WBP2NL: variants seen among roughly 807,000 people sequenced by gnomAD.
WBP2NL encodes postacrosomal sheath WW domain-binding protein.
In WBP2NL, 27 loss-of-function variants were observed where a neutral mutation model predicts 23.3. The observed-to-expected ratio is 1.16, with a 90% CI of 0.85 to 1.60. The LOEUF is 1.60. WBP2NL is among the 40% of genes most tolerant of loss of function. WBP2NL has a pLI of 0.00. For synonymous variants in WBP2NL, 151 were observed against 145.9 expected, an observed-to-expected ratio of 1.03 and a Z score of -0.25; for missense variants, 370 against 389.5, an observed-to-expected ratio of 0.95 and a Z score of 0.42.
chr22:42,006,239 G>A (rs1408537819), intron 1 of WBP2NL, among the ~76,000 whole-genome samples: 1 of 128,952 alleles, frequency 7.8e-6, no homozygotes, highest in Non-Finnish European at 1.6e-5. Context: ...TTTTTTTTTC[G>A]AGACGGAGTC....
rs1569449993 is a variant in WBP2NL at position 42,020,886 on chromosome 22, ATATATATATATATATATATATATTTTT to A, written c.406+792_406+818del. Among the ~76,000 whole-genome samples, 10 of 46,188 alleles carry A rather than the reference ATATATATATATATATATATATATTTTT, an allele frequency of 2.2e-4. 1 individual carries two copies. Among genetic ancestry groups the A allele is most frequent in the African/African-American group, 1.0e-3 (10 of 9,984 alleles). 30.3% of individuals were successfully genotyped at this position (46,188 alleles called of 152,430 possible). ...TGTGTGTGTATATATATATATATAT[ATATATATATATATATATATATATTTTT>A]TTTTTTTTTTTTTTTTTTTTTTTTG... On this transcript the variant is annotated intron_variant, in intron 4 of 5. Transcript: ENST00000328823.
intron 1 of WBP2NL, among the ~76,000 whole-genome samples, chr22:42,016,066 C>T (rs187211007): frequency 3.9e-5 from 6 of 152,062 alleles, no homozygotes; most frequent in Non-Finnish European, 8.8e-5. Context: ...ACTGCAAACT[C>T]TGCCTCCCGG....
chr22:42,011,221 C>T (rs1010999345), intron 1 of WBP2NL, among the ~76,000 whole-genome samples: 2 of 151,974 alleles, frequency 1.3e-5, no homozygotes, highest in East Asian at 1.9e-4. Flanking sequence ...ATTCTTTAAA[C>T]GTTTTGTATA....
chr22:42,022,131 C>A, intron 4 of WBP2NL, 118 bp from the exon 5 acceptor site: 1 of 822,386 alleles, frequency 1.2e-6, no homozygotes, highest in Non-Finnish European at 2.0e-6. Context: ...GTCTCAAGAG[C>A]ATTGTTGGAA....
intron 8 of WBP2NL, among the ~76,000 whole-genome samples, chr22:42,041,708 T>A (rs1925405852): frequency 6.6e-6 from 1 of 152,158 alleles, no homozygotes; most frequent in Non-Finnish European, 1.5e-5. Context: ...TTTTCAACTT[T>A]TGTAGTGTTA....
chr22:42,025,084 T>C (rs925093196), intron 5 of WBP2NL, among the ~76,000 whole-genome samples: 1 of 152,234 alleles, frequency 6.6e-6, no homozygotes, highest in Non-Finnish European at 1.5e-5. Flanking sequence ...TGAACAACTG[T>C]GCCCAGGCAA....
intron 8 of WBP2NL, among the ~76,000 whole-genome samples, chr22:42,057,002 G>T (rs1302703992): frequency 6.6e-6 from 1 of 152,092 alleles, no homozygotes; most frequent in African/African-American, 2.4e-5. Context: ...TCTTTTGAGG[G>T]TTTGATTATG....
chr22:42,049,428 T>C (rs537456570), intron 8 of WBP2NL, among the ~76,000 whole-genome samples: 2 of 152,272 alleles, frequency 1.3e-5, no homozygotes, highest in African/African-American at 4.8e-5. Context: ...CGGTGGCTCA[T>C]TCCTGTAATC....
In WBP2NL at chr22:41,998,790, C is replaced by T. The variant is rs201997617; in HGVS notation, c.-29C>T. The T allele has an allele frequency of 1.9e-6, 3 of 1,602,802 alleles. No individual in the cohort carries two copies. Among genetic ancestry groups the T allele is most frequent in the Non-Finnish European group, 2.6e-6 (3 of 1,173,970 alleles). On this transcript the variant is annotated 5_prime_UTR_variant, in exon 1 of 6. Coordinates refer to ENST00000328823, the MANE Select transcript of WBP2NL (RefSeq NM_152613.3). ...CGGCGCAGGTCCCGCCCCTTTCCAT[C>T]TACGGGGCGGCAGGAGGCCCGAAGC...
chr22:42,027,792 T>A lies in WBP2NL; in HGVS notation c.*611T>A, dbSNP rs564540168. The A allele has an allele frequency of 1.6e-4, 63 of 394,990 alleles. No individual in the cohort carries two copies. The highest frequency in any genetic ancestry group is 4.3e-4 in the South Asian group (3 of 6,990). The allele number at this position is 394,990 out of a possible 1,614,324, so 24.5% of individuals were successfully genotyped here. ...AGAAGTTAAAAGATAGGCAACAGAA[T>A]AGGAAAAAGTGATTTTCAACATATA... On this transcript the variant is annotated 3_prime_UTR_variant, in exon 6 of 6. Transcript: ENST00000328823.
intron 1 of WBP2NL, among the ~76,000 whole-genome samples, chr22:42,018,989 G>A (rs1316585407): frequency 6.6e-6 from 1 of 151,618 alleles, no homozygotes; most frequent in Non-Finnish European, 1.5e-5. Context: ...TTGGGAGGCT[G>A]AGGCGGGCGG....
intron 1 of WBP2NL, among the ~76,000 whole-genome samples, chr22:42,012,824 C>G (rs1175852245): frequency 6.6e-6 from 1 of 151,900 alleles, no homozygotes; most frequent in Non-Finnish European, 1.5e-5. Context: ...AACCCCATCT[C>G]TACTAAAAAT....
rs376536664 is a variant in WBP2NL, at chr22:42,010,773, C to T, written c.63-8538C>T. Among the ~76,000 whole-genome samples the T allele has an allele frequency of 1.4e-4, 22 of 152,236 alleles. No individual in the cohort carries two copies. The East Asian group carries it at 2.5e-3, about 17-fold the overall frequency. On this transcript the variant is annotated intron_variant, in intron 1 of 5. Transcript: ENST00000328823. ...CAGGATGATCTCGATCTCCTGACCT[C>T]GTGATCCGCCCGCCTTGGCCTCCCA...
At chr22:42,008,520 A>T (rs1922509279) in intron 1 of WBP2NL, among the ~76,000 whole-genome samples, 1 of 151,582 alleles carries the variant, frequency 6.6e-6, no homozygotes, top group South Asian at 2.1e-4. Flanking sequence ...TTGGTTTTTT[A>T]AATATTAACC....
At chr22:42,038,766 C>T (rs1401477988) in intron 8 of WBP2NL, among the ~76,000 whole-genome samples, 1 of 151,964 alleles carries the variant, frequency 6.6e-6, no homozygotes, top group Non-Finnish European at 1.5e-5. Context: ...TCACGCCCAG[C>T]TAATTTTTTG....
At chr22:42,001,152 T>G in intron 1 of WBP2NL, 1 of 901,918 alleles carries the variant, frequency 1.1e-6, no homozygotes, top group Admixed American at 1.7e-5. Context: ...CATGCACCCT[T>G]GAAAACAGCT....
chr22:42,034,001 C>A (rs1037479380), downstream of WBP2NL, among the ~76,000 whole-genome samples: 1 of 152,236 alleles, frequency 6.6e-6, no homozygotes, highest in Admixed American at 6.5e-5. Flanking sequence ...ACCCAGGAAC[C>A]TGTCTGCCTC....
At chr22:42,023,652 C>T (rs1223306310) in intron 5 of WBP2NL, among the ~76,000 whole-genome samples, 12 of 152,178 alleles carry the variant, frequency 7.9e-5, no homozygotes, top group African/African-American at 1.9e-4. Flanking sequence ...CCACCACGCC[C>T]GGCTAATTTT....
chr22:42,045,058 T>C (rs954892590), intron 8 of WBP2NL, among the ~76,000 whole-genome samples: 1 of 152,156 alleles, frequency 6.6e-6, no homozygotes, highest in Admixed American at 6.5e-5. Context: ...CTTGAACTCC[T>C]GGCCTTAATC....
Sources: allele counts gnomAD v4.1 joint callset (sites outside exome capture counted in the v4.1 genomes callset), GRCh38; gene constraint gnomAD v4.1.1; transcripts MANE v1.5; gene names NCBI Gene and HGNC (gene_info 2026-07-23, HGNC 2026-07-21).